Variants in VOPP1 observed in about 807,000 individuals in gnomAD.
VOPP1 encodes the protein VOPP1 WW domain binding protein.
A neutral mutation model predicts 23.5 loss-of-function variants in VOPP1; 8 were observed. The ratio of observed to expected loss-of-function variants is 0.34; its 90% CI spans 0.20 to 0.61. The LOEUF is 0.61. Ranked by LOEUF, VOPP1 falls within the 20% of genes least tolerant of loss-of-function variation. The pLI is 0.78. For missense variants in VOPP1, 174 were observed against 238.1 expected, an observed-to-expected ratio of 0.73 and a Z score of 1.77; for synonymous variants, 83 against 97.3, an observed-to-expected ratio of 0.85 and a Z score of 0.86.
rs538213197 is a variant in VOPP1 at position 55,472,988 on chromosome 7, G to C, written c.386C>G (p.Pro129Arg). ...YTDPGGPGMN[P>R]VGNSMAMAFQ... The stretch of plus-strand genomic sequence containing the variant: ...AGCCATTGCCATGGAATTCCCGACA[G>C]GGTTCATCCCCGGTCCTCCTGGGTC... The change falls in exon 5 of 5, where the codon CCT (proline) becomes CGT (arginine). Residue 129 changes from proline to arginine, a missense_variant. Physicochemically the swap from Pro to Arg is moderately radical, Grantham distance 103 (BLOSUM62 -2). Transcript: ENST00000285279. 3.8e-6 allele frequency: 6 copies of C among 1,594,592 alleles called. No individual in the cohort carries two copies. Among genetic ancestry groups the C allele is most frequent in the Non-Finnish European group, 4.3e-6 (5 of 1,172,812 alleles).
intron 2 of VOPP1, among the ~76,000 whole-genome samples, chr7:55,512,231 G>A (rs990487019): frequency 2.0e-5 from 3 of 152,112 alleles, no homozygotes; most frequent in Non-Finnish European, 4.4e-5. Flanking sequence ...TTCGAGACCA[G>A]CCTGGCCAAC....
chr7:55,466,118 C>T (rs1791625269), downstream of VOPP1, among the ~76,000 whole-genome samples: 1 of 152,184 alleles, frequency 6.6e-6, no homozygotes, highest in South Asian at 2.1e-4. Flanking sequence ...CTATGAACCA[C>T]GAAGCAGACA....
intron 4 of VOPP1, among the ~76,000 whole-genome samples, chr7:55,437,134 T>C (rs1790851584): frequency 6.6e-6 from 1 of 152,148 alleles, no homozygotes; most frequent in Admixed American, 6.5e-5. Flanking sequence ...GGCAGGGAAG[T>C]TACCAAACAC....
intron 1 of VOPP1, chr7:55,562,063 T>C (rs567518370): frequency 3.8e-5 from 27 of 703,192 alleles, no homozygotes; most frequent in Non-Finnish European, 6.8e-5. Context: ...TGTTAAAAAA[T>C]AAAGATGACT....
rs539339861 is a variant in VOPP1 at position 55,519,216 on chromosome 7, C to G, written c.113+1856G>C. ...CTAGGGAGCTCTGGATCCTTCTCCC[C>G]ACCATTGGAAGAGAAAAGCGCGAAA... On this transcript the variant is annotated intron_variant, in intron 2 of 4. Coordinates refer to ENST00000285279, the MANE Select transcript of VOPP1 (RefSeq NM_030796.5). 4.6e-5 allele frequency among the ~76,000 whole-genome samples: 7 copies of G among 152,334 alleles called. No individual in the cohort carries two copies. The South Asian group carries it at 1.4e-3, about 32-fold the overall frequency.
chr7:55,481,130 C>T (rs1399636573), intron 4 of VOPP1, among the ~76,000 whole-genome samples: 1 of 152,166 alleles, frequency 6.6e-6, no homozygotes, highest in Admixed American at 6.5e-5. Context: ...GTGCCGTGTA[C>T]CTGGGCGTGT....
intron 2 of VOPP1, among the ~76,000 whole-genome samples, chr7:55,507,992 TAAACCC>T (rs1794842201): frequency 1.3e-5 from 2 of 152,190 alleles, no homozygotes; most frequent in African/African-American, 4.8e-5. Context: ...CTGACTTGTA[TAAACCC>T]AAACTAGTTG....
chr7:55,534,740 C>G (rs774616713), intron 1 of VOPP1, among the ~76,000 whole-genome samples: 41 of 152,194 alleles, frequency 2.7e-4, no homozygotes, highest in Non-Finnish European at 5.4e-4. Flanking sequence ...GGATCTCTGC[C>G]AGGTGCCCAG....
At chr7:55,487,021 G>A (rs1006927202) in intron 4 of VOPP1, among the ~76,000 whole-genome samples, 6 of 152,134 alleles carry the variant, frequency 3.9e-5, no homozygotes, top group South Asian at 2.1e-4. Flanking sequence ...CACCATCCCC[G>A]CACGTCAGAA....
chr7:55,495,603 T>C (rs540975088), intron 3 of VOPP1, among the ~76,000 whole-genome samples: 73 of 152,368 alleles, frequency 4.8e-4, no homozygotes, highest in African/African-American at 1.7e-3. Context: ...AGAAGTTCTG[T>C]GCTCTGGCTT....
intron 1 of VOPP1, among the ~76,000 whole-genome samples, chr7:55,551,300 G>A (rs1797596410): frequency 6.6e-6 from 1 of 152,188 alleles, no homozygotes; most frequent in African/African-American, 2.4e-5. Flanking sequence ...AGTTTTCACT[G>A]ACATCAAAGC....
At position 55,484,904 on chromosome 7, in the gene VOPP1, G is replaced by A. The variant is rs963034484; in HGVS notation, c.328+7378C>T. 2.0e-5 allele frequency among the ~76,000 whole-genome samples: 3 copies of A among 152,112 alleles called. No individual in the cohort carries two copies. In the South Asian group the frequency reaches 6.2e-4, roughly 32 times the overall value. On this transcript the variant is annotated intron_variant, in intron 4 of 4. Coordinates refer to ENST00000285279, the MANE Select transcript of VOPP1 (RefSeq NM_030796.5). ...GTAGTACTTTGTGAGGGCAGCCCCG[G>A]GACATGAATCCAGTACGCACCTTCT...
At chr7:55,458,507 G>C (rs1466412452) in intron 4 of VOPP1, among the ~76,000 whole-genome samples, 1 of 151,860 alleles carries the variant, frequency 6.6e-6, no homozygotes, top group African/African-American at 2.4e-5. Context: ...GTTTACTTTG[G>C]GTAAACATTT....
intron 1 of VOPP1, among the ~76,000 whole-genome samples, chr7:55,535,524 C>T (rs889261511): frequency 6.6e-6 from 1 of 152,172 alleles, no homozygotes; most frequent in Non-Finnish European, 1.5e-5. Flanking sequence ...CAGTCCCCCG[C>T]CCCGCAGCCA....
At chr7:55,537,634 A>C (rs1796878533) in intron 1 of VOPP1, 1 of 1,528,392 alleles carries the variant, frequency 6.5e-7, no homozygotes, top group Non-Finnish European at 8.8e-7. Flanking sequence ...GCACACATAA[A>C]TAAAGCTCTG....
chr7:55,453,000 G>T (rs1791281202), intron 4 of VOPP1, among the ~76,000 whole-genome samples: 1 of 152,210 alleles, frequency 6.6e-6, no homozygotes. Context: ...AAGCTACAAA[G>T]TCCTAGATGG....
At chr7:55,570,985 C>T (rs117649089) in intron 1 of VOPP1, among the ~76,000 whole-genome samples, 1,657 of 152,130 alleles carry the variant, frequency 0.011, 11 homozygotes, top group Middle Eastern at 0.024. Context: ...ATAAAGATTG[C>T]AAGTATAGGT....
At chr7:55,447,591 A>C (rs1025919041) in intron 4 of VOPP1, among the ~76,000 whole-genome samples, 5 of 152,112 alleles carry the variant, frequency 3.3e-5, no homozygotes, top group Admixed American at 6.6e-5. Context: ...GAGAACTACT[A>C]TTTTCTCCAT....
chr7:55,499,979 G>C (rs960632967), intron 2 of VOPP1, among the ~76,000 whole-genome samples: 1 of 152,180 alleles, frequency 6.6e-6, no homozygotes. Context: ...GCAGTCGAGG[G>C]AGATGAAGGA....
Sources: allele counts gnomAD v4.1 joint callset (sites outside exome capture counted in the v4.1 genomes callset), GRCh38; gene constraint gnomAD v4.1.1; transcripts MANE v1.5; gene names NCBI Gene and HGNC (gene_info 2026-07-23, HGNC 2026-07-21).